The following MMEL1 variants were observed in gnomAD, a reference collection of about 807,000 sequenced individuals.
MMEL1 encodes the protein membrane metalloendopeptidase like 1, also known as membrane metallo-endopeptidase-like 1.
MMEL1 carries 98 observed loss-of-function variants against 117.1 expected under a neutral mutation model. The ratio of observed to expected loss-of-function variants is 0.84; its 90% CI spans 0.71 to 0.99. MMEL1 has a LOEUF of 0.99. Ranked by LOEUF, MMEL1 falls within the 50% of genes least tolerant of loss-of-function variation. MMEL1 has a pLI of 0.00. For missense variants in MMEL1, 1,014 were observed against 1,049.1 expected (o/e 0.97, Z 0.46); for synonymous variants, 390 against 415.1 (o/e 0.94, Z 0.74).
chr1:2,602,623 G>A (rs144789550), intron 11 of MMEL1, among the ~76,000 whole-genome samples: 204 of 152,260 alleles, frequency 1.3e-3, no homozygotes, highest in African/African-American at 4.7e-3. Flanking sequence ...TGTGAACCAG[G>A]TCACGTCCTG....
At chr1:2,607,596 G>C (rs1157500303) in intron 6 of MMEL1, among the ~76,000 whole-genome samples, 1 of 152,130 alleles carries the variant, frequency 6.6e-6, no homozygotes, top group Non-Finnish European at 1.5e-5. Flanking sequence ...TAAAGGTGGG[G>C]ACGCGGAGAT....
chr1:2,601,027 T>G (rs983261134), intron 11 of MMEL1, among the ~76,000 whole-genome samples: 3 of 152,272 alleles, frequency 2.0e-5, no homozygotes, highest in East Asian at 3.9e-4. Context: ...CCCAAATTGA[T>G]AGAGAGATTC....
At chr1:2,626,982 A>C (rs917418336) in intron 2 of MMEL1, among the ~76,000 whole-genome samples, 35 of 152,258 alleles carry the variant, frequency 2.3e-4, no homozygotes, top group African/African-American at 8.4e-4. Context: ...ATCCAGCCAT[A>C]CACGATTGAA....
At chr1:2,597,589 G>C (rs535059947) in intron 13 of MMEL1, among the ~76,000 whole-genome samples, 1 of 151,848 alleles carries the variant, frequency 6.6e-6, no homozygotes, top group Non-Finnish European at 1.5e-5. Flanking sequence ...TGCTGACCCC[G>C]CCCCCTACTC....
At chr1:2,625,263 A>T (rs1028442278) in intron 2 of MMEL1, among the ~76,000 whole-genome samples, 49 of 152,302 alleles carry the variant, frequency 3.2e-4, no homozygotes, top group African/African-American at 9.9e-4. Context: ...TTCATCTGAG[A>T]CAAGGTGTCT....
chr1:2,629,035 G>A (rs1371423672), intron 2 of MMEL1, among the ~76,000 whole-genome samples: 1 of 148,330 alleles, frequency 6.7e-6, no homozygotes, highest in East Asian at 2.0e-4. Flanking sequence ...GTCCGGCGGA[G>A]GCGGAGGCGG....
At chr1:2,608,776 CAT>C (rs1226735736) in intron 6 of MMEL1, among the ~76,000 whole-genome samples, 4 of 152,156 alleles carry the variant, frequency 2.6e-5, no homozygotes, top group South Asian at 2.1e-4. Context: ...AATGCACACA[CAT>C]ATGTACACAC....
intron 8 of MMEL1, 22 bp downstream of exon 8, chr1:2,606,226 T>C (rs1406756339): frequency 1.3e-6 from 2 of 1,599,334 alleles, no homozygotes; most frequent in East Asian, 2.2e-5. Flanking sequence ...TGCCTACCCC[T>C]GCCCACCGGC....
chr1:2,592,938 C>A lies in MMEL1; in HGVS notation c.1896G>T (p.Met632Ile). 6.2e-7 allele frequency: 1 copy of A among 1,613,672 alleles called. No homozygotes were observed. Among genetic ancestry groups the A allele is most frequent in the East Asian group, 2.2e-5 (1 of 44,858 alleles). The change falls in exon 20 of 24, where the codon ATG (methionine) becomes ATT (isoleucine). Residue 632 changes from methionine to isoleucine, a missense_variant. Transcript: ENST00000378412. ...NGRNFDKNGN[M>I]MDWWSNFSTQ... Reference sequence around the variant, plus strand: ...TGGAGAAGTTACTCCACCAATCCATCATGTTGCCATTCTTGTCGAAGTTCC... The same window carrying A: ...TGGAGAAGTTACTCCACCAATCCATAATGTTGCCATTCTTGTCGAAGTTCC...
intron 2 of MMEL1, among the ~76,000 whole-genome samples, chr1:2,620,945 C>A (rs763080916): frequency 1.2e-3 from 181 of 152,240 alleles, no homozygotes; most frequent in Admixed American, 1.4e-3. Context: ...CCCCATTATA[C>A]CCTCTTCCCA....
chr1:2,631,487 C>A (rs1638577831), intron 1 of MMEL1, among the ~76,000 whole-genome samples: 1 of 152,026 alleles, frequency 6.6e-6, no homozygotes, highest in African/African-American at 2.4e-5. Flanking sequence ...CAACACCCTG[C>A]AAAGGTGGCT....
At chr1:2,594,478 C>T (rs1557520395) in intron 17 of MMEL1, 35 bp from the exon 18 acceptor site, 1 of 1,550,626 alleles carries the variant, frequency 6.4e-7, no homozygotes, top group East Asian at 2.4e-5. Flanking sequence ...GGAGCCGCCT[C>T]TCCGGGGACC....
rs771427650 is a variant in MMEL1, at chr1:2,591,953, G to A, written c.2142C>T (p.Leu714=). 21 of 1,613,294 alleles carry A rather than the reference G, an allele frequency of 1.3e-5. No homozygotes were observed. In the African/African-American group the frequency reaches 1.7e-4, roughly 13 times the overall value. ...LPGLDLTHEQ[L]FFINYAQVWC... ...CCACCTGGGCATAGTTGATGAAGAA[G>A]AGCTGCTCATGGGTGAGATCCAGGC... Residue 714 remains leucine, a synonymous_variant, in exon 22 of 24, where the codon CTC becomes CTT. Coordinates refer to ENST00000378412, the MANE Select transcript of MMEL1 (RefSeq NM_033467.4).
Position 2,595,255 on chromosome 1 carries a change from G to C in MMEL1, c.1584+21C>G. On this transcript the variant is annotated intron_variant, in intron 16 of 23. Transcript: ENST00000378412. The surrounding 1 kb of genome is among the most constrained non-coding windows in gnomAD (Gnocchi z 4.8). ...TGTCCACGGTGTGGGGGGCAGTTTAGGGCTGGGGTTGGGGGCGCACATTGG... is the reference window on the plus strand; with the variant it reads ...TGTCCACGGTGTGGGGGGCAGTTTACGGCTGGGGTTGGGGGCGCACATTGG... 6.2e-7 allele frequency: 1 copy of C among 1,609,460 alleles called. No homozygotes were observed. The highest frequency in any genetic ancestry group is 8.5e-7 in the Non-Finnish European group (1 of 1,176,788).
rs900935990 is a variant in MMEL1 at position 2,610,629 on chromosome 1, A to G, written c.292+652T>C. 2.0e-5 allele frequency among the ~76,000 whole-genome samples: 3 copies of G among 152,184 alleles called. No homozygotes were observed. In the East Asian group the frequency reaches 5.8e-4, roughly 29 times the overall value. ...ACCATGGGGGTTTGTATTCTGCTAG[A>G]GGGGTTGGCTTTGCCCCAGGAACCC... On this transcript the variant is annotated intron_variant, in intron 4 of 23. Transcript: ENST00000378412.
intron 6 of MMEL1, 40 bp from the exon 7 acceptor site, chr1:2,607,109 T>G: frequency 6.4e-7 from 1 of 1,555,212 alleles, no homozygotes; most frequent in Non-Finnish European, 8.8e-7. Flanking sequence ...AGCCTCCCTG[T>G]GGCTCACGTG....
At chr1:2,602,561 C>T (rs967069628) in intron 11 of MMEL1, among the ~76,000 whole-genome samples, 11 of 152,214 alleles carry the variant, frequency 7.2e-5, no homozygotes, top group African/African-American at 2.4e-4. Context: ...TACGTGGCAG[C>T]CTCTGATTGG....
intron 11 of MMEL1, among the ~76,000 whole-genome samples, chr1:2,602,036 A>C (rs992578239): frequency 1.2e-5 from 1 of 83,168 alleles, no homozygotes; most frequent in African/African-American, 6.2e-5. Flanking sequence ...TGCCTGCCAC[A>C]GGCACACACA....
chr1:2,626,242 G>A (rs1397742652), intron 2 of MMEL1, among the ~76,000 whole-genome samples: 1 of 152,178 alleles, frequency 6.6e-6, no homozygotes, highest in Non-Finnish European at 1.5e-5. Context: ...AAGAAATTTG[G>A]GGAAGAGGTA....
Sources: gnomAD v4.1 joint callset for allele counts (sites outside exome capture counted in the v4.1 genomes callset) on GRCh38, gnomAD v4.1.1 for gene constraint, Gnocchi (gnomAD v3.1) non-coding constraint, MANE v1.5 for transcripts, NCBI Gene and HGNC (gene_info 2026-07-23, HGNC 2026-07-21) for gene names.